RBMS3: variants seen among roughly 807,000 people sequenced by gnomAD.
RBMS3 encodes the protein RNA-binding motif, single-stranded-interacting protein 3.
RBMS3 carries 27 observed loss-of-function variants against 66.8 expected under a neutral mutation model. The ratio of observed to expected loss-of-function variants is 0.40; its 90% CI spans 0.30 to 0.56. RBMS3 has a LOEUF of 0.56. Among genes scored for constraint, RBMS3 ranks in the 20% least tolerant of loss-of-function variants. RBMS3 has a pLI of 0.40. For missense variants in RBMS3, 513 were observed against 549.5 expected (o/e 0.93, Z 0.66); for synonymous variants, 188 against 183.0 (o/e 1.03, Z -0.22).
At chr3:29,577,748 A>G (rs1449406245) in intron 3 of RBMS3, among the ~76,000 whole-genome samples, 1 of 152,032 alleles carries the variant, frequency 6.6e-6, no homozygotes, top group Admixed American at 6.6e-5. Context: ...CCCTCCCTCA[A>G]ATGCACAGAC....
chr3:29,805,543 G>A (rs1040442364), intron 6 of RBMS3, among the ~76,000 whole-genome samples: 6 of 152,116 alleles, frequency 3.9e-5, no homozygotes, highest in Non-Finnish European at 5.9e-5. Flanking sequence ...TGGACAAGAC[G>A]TGGAGAGCAA....
At chr3:29,430,442 C>T (rs909788755) in intron 1 of RBMS3, among the ~76,000 whole-genome samples, 17 of 152,206 alleles carry the variant, frequency 1.1e-4, no homozygotes, top group African/African-American at 3.9e-4. Context: ...TTATAAATTA[C>T]ATATCTCACT....
chr3:29,740,267 T>C (rs1004363373), intron 5 of RBMS3, among the ~76,000 whole-genome samples: 1 of 151,946 alleles, frequency 6.6e-6, no homozygotes, highest in Non-Finnish European at 1.5e-5. Context: ...TGTTTTTGCA[T>C]TGATTTCCAA....
At chr3:29,889,706 A>G (rs188427977) in intron 8 of RBMS3, among the ~76,000 whole-genome samples, 7 of 151,796 alleles carry the variant, frequency 4.6e-5, no homozygotes, top group Non-Finnish European at 5.9e-5. Flanking sequence ...ACCCATATCT[A>G]TAATAGTTCC....
At chr3:29,437,985 T>G (rs1295432529) in intron 2 of RBMS3, among the ~76,000 whole-genome samples, 3 of 151,554 alleles carry the variant, frequency 2.0e-5, no homozygotes, top group Non-Finnish European at 4.4e-5. Context: ...GAAAAAACCT[T>G]TGGTAAGAGA....
At chr3:29,865,647 A>G (rs2059341494) in intron 6 of RBMS3, among the ~76,000 whole-genome samples, 1 of 152,174 alleles carries the variant, frequency 6.6e-6, no homozygotes, top group Admixed American at 6.5e-5. Context: ...TAAGGAAGGG[A>G]GTGAAAACAT....
intron 1 of RBMS3, among the ~76,000 whole-genome samples, chr3:29,379,625 C>T (rs1279740083): frequency 1.3e-5 from 2 of 152,172 alleles, no homozygotes; most frequent in Non-Finnish European, 2.9e-5. Context: ...CGGGAAAGAC[C>T]TGTCTCCATG....
chr3:29,994,893 C>T (rs1178777736), intron 14 of RBMS3, among the ~76,000 whole-genome samples: 5 of 152,226 alleles, frequency 3.3e-5, no homozygotes, highest in Non-Finnish European at 5.9e-5. Flanking sequence ...AACGCAGTTC[C>T]TCACCAGCAA....
intron 5 of RBMS3, among the ~76,000 whole-genome samples, chr3:29,761,779 A>G (rs1559644525): frequency 1.3e-5 from 2 of 152,190 alleles, no homozygotes; most frequent in East Asian, 1.9e-4. Flanking sequence ...CACCATTCCA[A>G]GAAAGCTCAT....
At chr3:29,663,526 C>A (rs571577695) in intron 4 of RBMS3, among the ~76,000 whole-genome samples, 1 of 152,138 alleles carries the variant, frequency 6.6e-6, no homozygotes, top group Non-Finnish European at 1.5e-5. Flanking sequence ...TAGCCTTCTT[C>A]CAAAAGGGAA....
At chr3:29,525,749 T>G (rs2045067940) in intron 3 of RBMS3, among the ~76,000 whole-genome samples, 1 of 152,210 alleles carries the variant, frequency 6.6e-6, no homozygotes, top group African/African-American at 2.4e-5. Flanking sequence ...TGCTATTAGC[T>G]AGCAGGGTTC....
chr3:29,331,815 CTTTTTTTTTT>C (rs11354452), intron 1 of RBMS3, among the ~76,000 whole-genome samples: 2 of 69,710 alleles, frequency 2.9e-5, no homozygotes, highest in Middle Eastern at 0.011. Context: ...AGGATAGCTC[CTTTTTTTTTT>C]TTTTTTTTTT....
intron 4 of RBMS3, among the ~76,000 whole-genome samples, chr3:29,736,365 C>T (rs1031983845): frequency 6.6e-6 from 1 of 152,124 alleles, no homozygotes; most frequent in African/African-American, 2.4e-5. Context: ...CCAGGCAATC[C>T]CTTATGTACT....
intron 14 of RBMS3, among the ~76,000 whole-genome samples, chr3:29,993,695 T>TC (rs1406431439): frequency 6.6e-6 from 1 of 152,188 alleles, no homozygotes; most frequent in Non-Finnish European, 1.5e-5. Context: ...CCTTTGAACT[T>TC]AAACAAAAAT....
intron 4 of RBMS3, among the ~76,000 whole-genome samples, chr3:29,651,477 A>G (rs2050142028): frequency 6.6e-6 from 1 of 152,176 alleles, no homozygotes; most frequent in Non-Finnish European, 1.5e-5. Context: ...TTAAAGCTGA[A>G]AGGTCACTTG....
At chr3:29,955,260 C>G (rs1227210164) in intron 12 of RBMS3, among the ~76,000 whole-genome samples, 5 of 151,922 alleles carry the variant, frequency 3.3e-5, no homozygotes, top group African/African-American at 1.2e-4. Context: ...AAGGAGTCAG[C>G]GGGTTCTCAT....
At chr3:29,945,679 T>C (rs977182952) in intron 12 of RBMS3, among the ~76,000 whole-genome samples, 1 of 151,774 alleles carries the variant, frequency 6.6e-6, no homozygotes, top group Non-Finnish European at 1.5e-5. Flanking sequence ...CTGGGTTTCC[T>C]GATTTTACTT....
chr3:29,876,120 A>G (rs1235715356), intron 7 of RBMS3, among the ~76,000 whole-genome samples: 2 of 152,168 alleles, frequency 1.3e-5, no homozygotes, highest in African/African-American at 2.4e-5. Flanking sequence ...GACTTTTAAT[A>G]GTTTTTCTCT....
chr3:29,282,880 C>T (rs1452153008), intron 1 of RBMS3, among the ~76,000 whole-genome samples: 1 of 152,116 alleles, frequency 6.6e-6, no homozygotes, highest in African/African-American at 2.4e-5. Flanking sequence ...ATTTGTAAAC[C>T]AGACTGGGAA....
Sources: allele counts gnomAD v4.1 joint callset (sites outside exome capture counted in the v4.1 genomes callset), GRCh38; gene constraint gnomAD v4.1.1; transcripts MANE v1.5; gene names NCBI Gene and HGNC (gene_info 2026-07-23, HGNC 2026-07-21).